RNF180: variants seen among roughly 807,000 people sequenced by gnomAD.
RNF180 encodes ring finger protein 180.
In RNF180, 38 loss-of-function variants were observed where a neutral mutation model predicts 59.2. That is an observed-to-expected ratio of 0.64 (90% CI 0.50 to 0.84). RNF180 has a LOEUF of 0.84. Among genes scored for constraint, RNF180 ranks in the 40% least tolerant of loss-of-function variants. The probability of loss-of-function intolerance (pLI) is 0.00; values close to 1 mark genes in which losing one functional copy is unlikely to be tolerated. For synonymous variants in RNF180, 262 were observed against 240.3 expected, an observed-to-expected ratio of 1.09 and a Z score of -0.84; for missense variants, 705 against 700.9, an observed-to-expected ratio of 1.01 and a Z score of -0.07.
intron 2 of RNF180, among the ~76,000 whole-genome samples, chr5:64,202,713 C>T (rs543379641): frequency 1.3e-5 from 2 of 152,182 alleles, no homozygotes; most frequent in East Asian, 3.9e-4. Flanking sequence ...TTTTCATTTC[C>T]TTGGTGACTA....
chr5:64,180,666 T>C (rs1750522480), intron 1 of RNF180, among the ~76,000 whole-genome samples: 2 of 152,264 alleles, frequency 1.3e-5, no homozygotes, highest in South Asian at 4.1e-4. Flanking sequence ...CACCCTTGCC[T>C]CAAGATATAA....
At chr5:64,349,524 G>A (rs1211832317) in intron 7 of RNF180, among the ~76,000 whole-genome samples, 6 of 151,322 alleles carry the variant, frequency 4.0e-5, no homozygotes, top group African/African-American at 4.9e-5. Flanking sequence ...TTGGTGTGCT[G>A]CACCCATTAA....
chr5:64,261,039 A>T (rs1038134924), intron 5 of RNF180, among the ~76,000 whole-genome samples: 2 of 151,914 alleles, frequency 1.3e-5, no homozygotes, highest in African/African-American at 4.8e-5. Context: ...ATAGGAAAAA[A>T]CCTAAAGAAG....
At chr5:64,183,295 A>C (rs1750704205) in intron 1 of RNF180, among the ~76,000 whole-genome samples, 1 of 152,194 alleles carries the variant, frequency 6.6e-6, no homozygotes, top group Admixed American at 6.5e-5. Flanking sequence ...CCACTTAATA[A>C]GTACTACACT....
chr5:64,221,065 T>G (rs1741302250), intron 5 of RNF180, among the ~76,000 whole-genome samples: 1 of 152,058 alleles, frequency 6.6e-6, no homozygotes, highest in South Asian at 2.1e-4. Context: ...TAGAGATCAT[T>G]TTGAAATTTT....
chr5:64,322,602 CGTGTGTGTGTGTGTGT>C (rs76117470), intron 5 of RNF180, among the ~76,000 whole-genome samples: 19 of 143,428 alleles, frequency 1.3e-4, no homozygotes, highest in African/African-American at 3.6e-4. Context: ...TATATATATA[CGTGTGTGTGTGTGTGT>C]GTGTGTGTGT....
intron 2 of RNF180, among the ~76,000 whole-genome samples, chr5:64,206,291 A>T (rs1752013535): frequency 6.6e-6 from 1 of 152,226 alleles, no homozygotes; most frequent in South Asian, 2.1e-4. Flanking sequence ...AAACACTTAC[A>T]ATAAAACACT....
At chr5:64,331,775 G>A (rs1014988096) in intron 7 of RNF180, among the ~76,000 whole-genome samples, 7 of 152,088 alleles carry the variant, frequency 4.6e-5, no homozygotes, top group East Asian at 3.9e-4. Context: ...CCACATTGAC[G>A]GTGACAAGAC....
intron 5 of RNF180, among the ~76,000 whole-genome samples, chr5:64,319,928 A>G (rs1744257706): frequency 6.6e-6 from 1 of 152,266 alleles, no homozygotes; most frequent in Admixed American, 6.5e-5. Flanking sequence ...ATTCATTAAA[A>G]TGATCTGAAC....
chr5:64,365,611 G>C (rs1282002530), intron 7 of RNF180, among the ~76,000 whole-genome samples: 1 of 151,698 alleles, frequency 6.6e-6, no homozygotes, highest in Non-Finnish European at 1.5e-5. Flanking sequence ...GTGTGAGGGA[G>C]TCTGTGTCTC....
Position 64,214,346 on chromosome 5 carries a change from G to A in RNF180, c.1020G>A (p.Arg340=), listed in dbSNP as rs1752499153. Residue 340 remains arginine, a synonymous_variant, in exon 4 of 8, where the codon AGG becomes AGA. Transcript: ENST00000389100. The part of the protein sequence containing the change: ...TFLMDLPSAG[R]SMPEASDQEE... ...TGATGGACCTGCCCTCAGCTGGCAG[G>A]AGCATGCCGGAGGCCTCAGACCAGG... 4 of 1,613,902 alleles carry A rather than the reference G, an allele frequency of 2.5e-6. No individual in the cohort carries two copies. Among genetic ancestry groups the A allele is most frequent in the East Asian group, 4.5e-5 (2 of 44,878 alleles).
At chr5:64,176,938 G>A (rs1370719882) in intron 1 of RNF180, among the ~76,000 whole-genome samples, 3 of 152,150 alleles carry the variant, frequency 2.0e-5, no homozygotes, top group South Asian at 2.1e-4. Flanking sequence ...GAGAATAGAC[G>A]TGTGGGCCAA....
At chr5:64,369,558 C>T in intron 7 of RNF180, 57 bp from the exon 8 acceptor site, 1 of 1,121,538 alleles carries the variant, frequency 8.9e-7, no homozygotes, top group South Asian at 2.5e-5. Flanking sequence ...TGTACAGCTT[C>T]TTTTCTGAGC....
At position 64,250,687 on chromosome 5, in the gene RNF180, A is replaced by T. The variant is rs1359865091; in HGVS notation, c.1227+33291A>T. Among the ~76,000 whole-genome samples the T allele has an allele frequency of 2.6e-5, 4 of 152,168 alleles. No homozygotes were observed. The East Asian group carries it at 7.7e-4, about 29-fold the overall frequency. Reference sequence around the variant, plus strand: ...TATGGATAAATTCCTTTATGCATACAACCTACCAAGCCTAAATCAGAAATA... The same window carrying T: ...TATGGATAAATTCCTTTATGCATACTACCTACCAAGCCTAAATCAGAAATA... On this transcript the variant is annotated intron_variant, in intron 5 of 7. Coordinates refer to ENST00000389100, the MANE Select transcript of RNF180 (RefSeq NM_001113561.2).
At chr5:64,314,992 T>C (rs1271618407) in intron 5 of RNF180, among the ~76,000 whole-genome samples, 1 of 152,238 alleles carries the variant, frequency 6.6e-6, no homozygotes, top group Non-Finnish European at 1.5e-5. Flanking sequence ...TTAAATACTC[T>C]ATTACATTAA....
chr5:64,213,774 G>A lies in RNF180; in HGVS notation c.448G>A (p.Glu150Lys), dbSNP rs1256637286. 6.2e-7 allele frequency: 1 copy of A among 1,614,168 alleles called. No individual in the cohort carries two copies. Among genetic ancestry groups the A allele is most frequent in the East Asian group, 2.2e-5 (1 of 44,884 alleles). Residue 150 changes from glutamate (E) to lysine (K), a missense_variant, in exon 4 of 8, where the codon GAA becomes AAA. By Grantham distance (56) the Glu-to-Lys change is moderately conservative. Coordinates refer to ENST00000389100, the MANE Select transcript of RNF180 (RefSeq NM_001113561.2). ...TAGAGTTCAGTCAGGTTGTGACAAG[G>A]AAGCTCTGCTGACAGGTGGTGGCTC... ...HPRVQSGCDK[E>K]ALLTGGGSEN... is the part of the protein sequence containing the mutation.
intron 5 of RNF180, among the ~76,000 whole-genome samples, chr5:64,264,159 C>G (rs1744519246): frequency 6.6e-6 from 1 of 152,076 alleles, no homozygotes; most frequent in Admixed American, 6.6e-5. Flanking sequence ...TGCCTTCTAT[C>G]CAATATACAT....
At chr5:64,367,352 CAATAA>C (rs1203891679) in intron 7 of RNF180, among the ~76,000 whole-genome samples, 5 of 151,422 alleles carry the variant, frequency 3.3e-5, no homozygotes, top group African/African-American at 1.2e-4. Flanking sequence ...CAAAGATAAA[CAATAA>C]AATATTACAT....
At chr5:64,321,031 C>G (rs902164072) in intron 5 of RNF180, among the ~76,000 whole-genome samples, 1 of 144,878 alleles carries the variant, frequency 6.9e-6, no homozygotes, top group Non-Finnish European at 1.5e-5. Context: ...GAGCGAGACT[C>G]CGTCTCAAAA....
Sources: gnomAD v4.1 joint callset for allele counts (sites outside exome capture counted in the v4.1 genomes callset) on GRCh38, gnomAD v4.1.1 for gene constraint, MANE v1.5 for transcripts, NCBI Gene and HGNC (gene_info 2026-07-23, HGNC 2026-07-21) for gene names.